Variants in CNBD2 observed in about 807,000 individuals in gnomAD.
CNBD2 encodes cyclic nucleotide binding domain containing 2.
In CNBD2, 64 loss-of-function variants were observed where a neutral mutation model predicts 63.7. That is an observed-to-expected ratio of 1.00 (90% CI 0.82 to 1.24). The LOEUF is 1.24. CNBD2 is among the 50% of genes most tolerant of loss of function. The probability of loss-of-function intolerance (pLI) is 0.00; values close to 1 mark genes in which losing one functional copy is unlikely to be tolerated. For synonymous variants in CNBD2, 229 were observed against 255.4 expected, an observed-to-expected ratio of 0.90 and a Z score of 0.99; for missense variants, 691 against 713.5, an observed-to-expected ratio of 0.97 and a Z score of 0.36.
At chr20:35,975,819 C>A in intron 2 of CNBD2, 130 bp from the exon 3 acceptor site, 1 of 735,864 alleles carries the variant, frequency 1.4e-6, no homozygotes. Context: ...CTGAAAGGGC[C>A]GGCTGCTATG....
At chr20:36,002,198 C>T (rs1259825136) in intron 8 of CNBD2, among the ~76,000 whole-genome samples, 4 of 152,224 alleles carry the variant, frequency 2.6e-5, no homozygotes, top group African/African-American at 9.6e-5. Flanking sequence ...AGCTGGAGAC[C>T]AGCCCGGCCA....
upstream of CNBD2, among the ~76,000 whole-genome samples, chr20:35,967,366 C>G (rs1240990704): frequency 6.7e-6 from 1 of 150,240 alleles, no homozygotes. Context: ...CCTCCCACCT[C>G]AGCCTCCCGA....
chr20:36,008,569 G>A, intron 9 of CNBD2, 95 bp downstream of exon 9: 4 of 1,250,808 alleles, frequency 3.2e-6, no homozygotes, highest in Non-Finnish European at 4.4e-6. Context: ...CGGATAAGGG[G>A]CAAAGGTGGA....
chr20:35,968,608 G>T lies in CNBD2; in HGVS notation c.-155G>T. On this transcript the variant is annotated 5_prime_UTR_variant, in exon 1 of 12. Transcript: ENST00000373973. Reference sequence around the variant, plus strand: ...TTTTCTCAGAGCAGGGCTTCCAGTAGCTGATGGTATGGTAGGAGGAGTGGA... The same window carrying T: ...TTTTCTCAGAGCAGGGCTTCCAGTATCTGATGGTATGGTAGGAGGAGTGGA... 1.8e-6 allele frequency: 1 copy of T among 567,114 alleles called. No individual in the cohort carries two copies. Among genetic ancestry groups the T allele is most frequent in the Non-Finnish European group, 3.2e-6 (1 of 313,134 alleles). 35.1% of individuals were successfully genotyped at this position (567,114 alleles called of 1,614,324 possible).
chr20:35,959,588 T>C (rs1393765674), downstream of CNBD2: 4 of 152,186 alleles, frequency 2.6e-5, no homozygotes, highest in Non-Finnish European at 4.4e-5. Context: ...ATGGGGGAAC[T>C]ACCCCCATGA....
At chr20:35,982,677 G>A (rs2056613254) in intron 4 of CNBD2, among the ~76,000 whole-genome samples, 1 of 151,900 alleles carries the variant, frequency 6.6e-6, no homozygotes, top group African/African-American at 2.4e-5. Flanking sequence ...TTTACATCCT[G>A]TATGTGACCA....
chr20:35,959,145 C>T (rs2056285896), downstream of CNBD2: 1 of 152,172 alleles, frequency 6.6e-6, no homozygotes, highest in Admixed American at 6.5e-5. Context: ...AACTACCACA[C>T]AGGATGGTTC....
At chr20:36,012,822 CA>C (rs141479430) in intron 10 of CNBD2, among the ~76,000 whole-genome samples, 178 of 87,196 alleles carry the variant, frequency 2.0e-3, no homozygotes, top group Admixed American at 4.2e-3. Flanking sequence ...AAATCCGTCT[CA>C]AAAAAAAAAA....
At chr20:36,019,245 A>C (rs984382906) in intron 10 of CNBD2, among the ~76,000 whole-genome samples, 5 of 151,926 alleles carry the variant, frequency 3.3e-5, no homozygotes, top group African/African-American at 1.2e-4. Context: ...AAGCTATGGG[A>C]CTGGGCACAG....
At chr20:36,018,439 TTTG>T (rs1394223360) in intron 10 of CNBD2, among the ~76,000 whole-genome samples, 2 of 152,174 alleles carry the variant, frequency 1.3e-5, no homozygotes, top group African/African-American at 4.8e-5. Context: ...TCAACAAATA[TTTG>T]TTAACATGAC....
At chr20:35,983,409 C>T (rs987624850) in intron 4 of CNBD2, among the ~76,000 whole-genome samples, 1 of 152,220 alleles carries the variant, frequency 6.6e-6, no homozygotes, top group East Asian at 1.9e-4. Flanking sequence ...ACTCCTTGTT[C>T]GCTCTGGGCC....
intron 7 of CNBD2, among the ~76,000 whole-genome samples, chr20:35,991,594 A>G (rs1250569514): frequency 1.3e-5 from 2 of 152,216 alleles, no homozygotes; most frequent in Admixed American, 1.3e-4. Flanking sequence ...TAGCCAGAAA[A>G]GATGGGGGGA....
intron 11 of CNBD2, among the ~76,000 whole-genome samples, chr20:36,026,563 T>C (rs2057285317): frequency 6.6e-6 from 1 of 152,058 alleles, no homozygotes; most frequent in African/African-American, 2.4e-5. Context: ...GACACCCCAC[T>C]CAAGTCCCCT....
chr20:36,000,424 TG>T (rs761025451), intron 8 of CNBD2, among the ~76,000 whole-genome samples: 7 of 152,314 alleles, frequency 4.6e-5, no homozygotes, highest in Non-Finnish European at 1.0e-4. Flanking sequence ...TTACGCAGGC[TG>T]GAGTGCAATA....
At chr20:35,971,867 T>C (rs1236173741) in intron 1 of CNBD2, among the ~76,000 whole-genome samples, 2 of 152,206 alleles carry the variant, frequency 1.3e-5, no homozygotes, top group Non-Finnish European at 2.9e-5. Flanking sequence ...CTAGGTTCAT[T>C]GATTTATAGA....
chr20:35,954,752 A>G (rs2147154786), exon 1 of CNBD2: 1 of 660,402 alleles, frequency 1.5e-6, no homozygotes, highest in Non-Finnish European at 2.2e-6. Context: ...TTCGGTTTGC[A>G]GGTGACCTTT....
At position 35,975,244 on chromosome 20, in the gene CNBD2, G is replaced by A. The variant is rs1248903438; in HGVS notation, c.190-705G>A. On this transcript the variant is annotated intron_variant, in intron 2 of 11. Coordinates refer to ENST00000373973, the MANE Select transcript of CNBD2 (RefSeq NM_001365709.1). ...TCTCGATCTCCTGACCTCGTGATCC[G>A]CCCGCCTCGGCCTCCCAAAGTGCTG... Among the ~76,000 whole-genome samples, 3 of 135,792 alleles carry A rather than the reference G, an allele frequency of 2.2e-5. No homozygotes were observed. The East Asian group carries it at 6.3e-4, about 29-fold the overall frequency. 89.1% of individuals were successfully genotyped at this position (135,792 alleles called of 152,430 possible). A position where few individuals can be genotyped will look rare whatever the true frequency, so the allele number is the denominator to read the frequency against.
At chr20:36,023,509 G>A (rs572811933) in intron 10 of CNBD2, 93 bp from the exon 11 acceptor site, 27 of 1,199,868 alleles carry the variant, frequency 2.3e-5, no homozygotes, top group East Asian at 1.3e-4. Context: ...GCGAAACTCC[G>A]TCTCAAAAAA....
intron 3 of CNBD2, among the ~76,000 whole-genome samples, chr20:35,978,482 C>T (rs1003289930): frequency 6.6e-6 from 1 of 151,880 alleles, no homozygotes; most frequent in Non-Finnish European, 1.5e-5. Context: ...GTAGCTGGAA[C>T]TAAAGGCGCC....
Sources: allele counts gnomAD v4.1 joint callset (sites outside exome capture counted in the v4.1 genomes callset), GRCh38; gene constraint gnomAD v4.1.1; transcripts MANE v1.5; gene names NCBI Gene and HGNC (gene_info 2026-07-23, HGNC 2026-07-21).